The following EPDR1 variants were observed in gnomAD, a reference collection of about 807,000 sequenced individuals.
EPDR1 encodes mammalian ependymin-related protein 1.
EPDR1 carries 27 observed loss-of-function variants against 23.7 expected under a neutral mutation model. The ratio of observed to expected loss-of-function variants is 1.14; its 90% CI spans 0.84 to 1.57. The LOEUF (loss-of-function observed/expected upper bound fraction) is 1.57. Ranked by LOEUF, EPDR1 falls within the 40% of genes most tolerant of loss-of-function variation. The pLI, the probability that EPDR1 is intolerant of heterozygous loss-of-function variation, is 0.00. For missense variants in EPDR1, 349 were observed against 290.4 expected, an observed-to-expected ratio of 1.20 and a Z score of -1.47; for synonymous variants, 137 against 118.2, an observed-to-expected ratio of 1.16 and a Z score of -1.03.
chr7:37,935,723 C>T (rs1786032947), intron 1 of EPDR1, among the ~76,000 whole-genome samples: 1 of 150,476 alleles, frequency 6.6e-6, no homozygotes, highest in Non-Finnish European at 1.5e-5. Context: ...TTTTCTAATG[C>T]AGAGAAATTA....
intron 1 of EPDR1, among the ~76,000 whole-genome samples, chr7:37,923,072 G>C (rs1043191134): frequency 3.3e-5 from 5 of 152,148 alleles, no homozygotes; most frequent in African/African-American, 1.2e-4. Flanking sequence ...TCACTATTAG[G>C]GCTGAAGCCC....
intron 1 of EPDR1, among the ~76,000 whole-genome samples, chr7:37,940,785 T>C (rs1026747509): frequency 2.1e-5 from 3 of 144,848 alleles, no homozygotes; most frequent in African/African-American, 5.1e-5. Flanking sequence ...AAAATATCTA[T>C]ATGAATTCGA....
At chr7:37,934,619 C>A (rs1469720866) in intron 1 of EPDR1, among the ~76,000 whole-genome samples, 2 of 152,002 alleles carry the variant, frequency 1.3e-5, no homozygotes, top group African/African-American at 4.8e-5. Flanking sequence ...CCATGGATTC[C>A]ACCAACTACA....
intron 1 of EPDR1, among the ~76,000 whole-genome samples, chr7:37,930,715 C>T (rs1307964908): frequency 2.6e-5 from 4 of 152,196 alleles, no homozygotes; most frequent in African/African-American, 4.8e-5. Flanking sequence ...ATCCACTTCT[C>T]GGACATCAGA....
chr7:37,945,822 T>C (rs1445150337), intron 1 of EPDR1, among the ~76,000 whole-genome samples: 1 of 152,190 alleles, frequency 6.6e-6, no homozygotes, highest in Non-Finnish European at 1.5e-5. Context: ...GATCATCCCA[T>C]CACCTAGGTA....
In EPDR1 at chr7:37,920,648, C is replaced by T. The variant is rs892202897; in HGVS notation, c.-292C>T. 6 of 1,569,640 alleles carry T rather than the reference C, an allele frequency of 3.8e-6. No individual in the cohort carries two copies. The highest frequency in any genetic ancestry group is 1.7e-5 in the Admixed American group (1 of 58,508). On this transcript the variant is annotated 5_prime_UTR_variant, in exon 1 of 3. Coordinates refer to ENST00000199448, the MANE Select transcript of EPDR1 (RefSeq NM_017549.5). ...TGTTGGCAGCAGTGAGCAGTGAAAA[C>T]CGAAGCGGCAGAAGGCAGTGGCAGC...
intron 1 of EPDR1, among the ~76,000 whole-genome samples, chr7:37,934,666 A>G (rs761261430): frequency 2.0e-5 from 3 of 152,052 alleles, no homozygotes; most frequent in Non-Finnish European, 2.9e-5. Context: ...AAAAATGGCC[A>G]GGTATGGTGG....
chr7:37,928,661 A>G (rs1785866324), intron 1 of EPDR1, among the ~76,000 whole-genome samples: 1 of 152,118 alleles, frequency 6.6e-6, no homozygotes, highest in Non-Finnish European at 1.5e-5. Flanking sequence ...TTGGCTTTCA[A>G]CATGCTAGTC....
intron 2 of EPDR1, 36 bp downstream of exon 2, chr7:37,949,084 A>G: frequency 6.3e-7 from 1 of 1,582,118 alleles, no homozygotes; most frequent in Non-Finnish European, 8.7e-7. Context: ...TGTATTCAGC[A>G]TGCATGATGG....
Position 37,950,333 on chromosome 7 carries a change from T to C in EPDR1, c.612T>C (p.Phe204=), listed in dbSNP as rs1473949321. ...IQLGIKDPSV[F]TPPSTCQMAQ... ...TGGGTATTAAAGACCCCTCGGTGTT[T>C]ACCCCTCCAAGCACGTGCCAGATGG... Residue 204 remains phenylalanine (F), a synonymous_variant, in exon 3 of 3, where the codon TTT becomes TTC. Coordinates refer to ENST00000199448, the MANE Select transcript of EPDR1 (RefSeq NM_017549.5). 1.9e-6 allele frequency: 3 copies of C among 1,613,850 alleles called. No homozygotes were observed. Among genetic ancestry groups the C allele is most frequent in the Non-Finnish European group, 2.5e-6 (3 of 1,179,958 alleles).
intron 1 of EPDR1, among the ~76,000 whole-genome samples, chr7:37,946,561 G>A (rs1786279747): frequency 6.6e-6 from 1 of 152,208 alleles, no homozygotes; most frequent in East Asian, 1.9e-4. Context: ...TTATTTTAGA[G>A]TGTGCTCCCA....
At chr7:37,949,243 C>T (rs1445644886) in intron 2 of EPDR1, among the ~76,000 whole-genome samples, 195 bp downstream of exon 2, 1 of 152,196 alleles carries the variant, frequency 6.6e-6, no homozygotes, top group Non-Finnish European at 1.5e-5. Context: ...AACACCTCAG[C>T]CTTCTAGTGC....
chr7:37,924,266 G>A (rs1476003176), intron 1 of EPDR1, among the ~76,000 whole-genome samples: 1 of 152,230 alleles, frequency 6.6e-6, no homozygotes, highest in Non-Finnish European at 1.5e-5. Context: ...AGGTTAGGCT[G>A]TATGCTCAAT....
At position 37,950,094 on chromosome 7, in the gene EPDR1, G is replaced by A. The variant is rs1439419438; in HGVS notation, c.479-106G>A. 13 of 810,240 alleles carry A rather than the reference G, an allele frequency of 1.6e-5. No individual in the cohort carries two copies. The South Asian group carries it at 2.0e-4, about 12-fold the overall frequency. 50.2% of individuals were successfully genotyped at this position (810,240 alleles called of 1,614,324 possible). On this transcript the variant is annotated intron_variant, in intron 2 of 2. Transcript: ENST00000199448. ...TCAAGGCCACCAAACACTTAAAAAT[G>A]GTAAAATGGTAAATTTTATGTTATG...
At chr7:37,934,954 AG>A (rs1339300958) in intron 1 of EPDR1, among the ~76,000 whole-genome samples, 1 of 151,914 alleles carries the variant, frequency 6.6e-6, no homozygotes, top group East Asian at 1.9e-4. Flanking sequence ...TTAAAAAAAA[AG>A]TTAACTATGA....
At chr7:37,943,173 T>C (rs1009946114) in intron 1 of EPDR1, among the ~76,000 whole-genome samples, 2 of 152,366 alleles carry the variant, frequency 1.3e-5, no homozygotes, top group East Asian at 3.9e-4. Flanking sequence ...TCTGCTGTTG[T>C]TGACCTGGGC....
At chr7:37,930,848 G>A (rs983375690) in intron 1 of EPDR1, among the ~76,000 whole-genome samples, 2 of 152,184 alleles carry the variant, frequency 1.3e-5, no homozygotes, top group Non-Finnish European at 2.9e-5. Context: ...CCTCAAAAAG[G>A]TCAATTTCTG....
intron 1 of EPDR1, among the ~76,000 whole-genome samples, chr7:37,937,788 A>G (rs1271710654): frequency 1.3e-5 from 2 of 152,116 alleles, no homozygotes; most frequent in Non-Finnish European, 1.5e-5. Flanking sequence ...TTGCAAGTTC[A>G]TAGGAAAATA....
chr7:37,928,204 C>T (rs1017074969), intron 1 of EPDR1, among the ~76,000 whole-genome samples: 1 of 152,190 alleles, frequency 6.6e-6, no homozygotes, highest in Non-Finnish European at 1.5e-5. Flanking sequence ...TCTCCAATAA[C>T]CTTGAGCTGT....
Sources: allele counts gnomAD v4.1 joint callset (sites outside exome capture counted in the v4.1 genomes callset), GRCh38; gene constraint gnomAD v4.1.1; transcripts MANE v1.5; gene names NCBI Gene and HGNC (gene_info 2026-07-23, HGNC 2026-07-21).